The following ALK variants were observed in gnomAD, a reference collection of about 807,000 sequenced individuals.
ALK encodes the protein ALK tyrosine kinase receptor.
ALK carries 74 observed loss-of-function variants against 163.1 expected under a neutral mutation model. That is an observed-to-expected ratio of 0.45 (90% CI 0.38 to 0.55). ALK has a LOEUF of 0.55. Among genes scored for constraint, ALK ranks in the 20% least tolerant of loss-of-function variants. The pLI is 0.00. For synonymous variants in ALK, 960 were observed against 843.2 expected (o/e 1.14, Z -2.40); for missense variants, 2,063 against 2,105.3 (o/e 0.98, Z 0.39).
In ALK at chr2:29,920,316, G is replaced by A. The variant is rs1222939884; in HGVS notation, c.344C>T (p.Pro115Leu). ...CAGCGTCCGGGCCTCTGCCGGGGCT[G>A]GTGAACCGGCGGTCCAGGAGACCCC... ...APGVSWTAGS[P>L]APAEARTLSR... Residue 115 changes from proline to leucine, a missense_variant, in exon 1 of 29, where the codon CCA (proline) becomes CTA (leucine). Physicochemically the swap from Pro to Leu is moderately conservative, Grantham distance 98 (BLOSUM62 -3). This residue lies in a region of ALK where 987 missense variants were observed against 939.5 expected (regional missense o/e 1.05). Coordinates refer to ENST00000389048, the MANE Select transcript of ALK (RefSeq NM_004304.5). The A allele has an allele frequency of 5.8e-6, 9 of 1,556,988 alleles. No individual in the cohort carries two copies. Among genetic ancestry groups the A allele is most frequent in the South Asian group, 2.3e-5 (2 of 85,448 alleles).
At chr2:29,836,959 A>C (rs1237134218) in intron 1 of ALK, among the ~76,000 whole-genome samples, 1 of 152,206 alleles carries the variant, frequency 6.6e-6, no homozygotes, top group Non-Finnish European at 1.5e-5. Context: ...GAAACTAAAA[A>C]ATATTCATAT....
At chr2:29,733,480 T>A (rs1679803675) in intron 1 of ALK, among the ~76,000 whole-genome samples, 1 of 152,232 alleles carries the variant, frequency 6.6e-6, no homozygotes, top group African/African-American at 2.4e-5. Context: ...TACTAGCACC[T>A]ACGTGACCTC....
intron 24 of ALK, among the ~76,000 whole-genome samples, chr2:29,213,270 G>T (rs1669511349): frequency 6.6e-6 from 1 of 152,160 alleles, no homozygotes; most frequent in South Asian, 2.1e-4. Flanking sequence ...TTCACAGCAT[G>T]ATGTCCCAGT....
chr2:29,488,496 T>C (rs1317956545), intron 4 of ALK, among the ~76,000 whole-genome samples: 2 of 152,298 alleles, frequency 1.3e-5, no homozygotes, highest in African/African-American at 4.8e-5. Flanking sequence ...ACTGATGGCA[T>C]TGGAGTGGTA....
intron 11 of ALK, among the ~76,000 whole-genome samples, chr2:29,252,121 C>T (rs1664829793): frequency 6.6e-6 from 1 of 152,090 alleles, no homozygotes; most frequent in Non-Finnish European, 1.5e-5. Context: ...CACCCAACGT[C>T]CCTAGGTGGC....
chr2:29,219,705 C>T (rs1669749623), intron 23 of ALK, among the ~76,000 whole-genome samples: 1 of 152,170 alleles, frequency 6.6e-6, no homozygotes, highest in African/African-American at 2.4e-5. Flanking sequence ...TTAGAACCAC[C>T]TTTGAGATGT....
intron 1 of ALK, among the ~76,000 whole-genome samples, chr2:29,826,209 A>G (rs1313482972): frequency 1.3e-5 from 2 of 152,134 alleles, no homozygotes; most frequent in Non-Finnish European, 2.9e-5. Flanking sequence ...CAGCCTCTCC[A>G]TATGGGGTAG....
chr2:29,467,228 T>A (rs533067186), intron 4 of ALK, among the ~76,000 whole-genome samples: 1 of 113,978 alleles, frequency 8.8e-6, no homozygotes, highest in Admixed American at 9.4e-5. Flanking sequence ...TTATGGAGAG[T>A]CTTATTGATA....
chr2:29,371,970 A>T (rs1046780315), intron 5 of ALK, among the ~76,000 whole-genome samples: 27 of 152,314 alleles, frequency 1.8e-4, no homozygotes, highest in Admixed American at 5.2e-4. Context: ...ATGAGCAGGG[A>T]AGGTCTTCGA....
At chr2:29,901,240 TGTAA>T (rs1263770715) in intron 1 of ALK, among the ~76,000 whole-genome samples, 1 of 152,206 alleles carries the variant, frequency 6.6e-6, no homozygotes, top group Non-Finnish European at 1.5e-5. Context: ...TGAGAATGTC[TGTAA>T]AGTGCCTGGC....
intron 3 of ALK, among the ~76,000 whole-genome samples, chr2:29,645,895 G>T (rs540853857): frequency 2.0e-5 from 3 of 152,068 alleles, no homozygotes; most frequent in Admixed American, 6.6e-5. Flanking sequence ...TGCTAATATT[G>T]GAGTTCCATG....
chr2:29,919,937 A>C (rs751692717), intron 1 of ALK, 56 bp downstream of exon 1: 1 of 1,590,966 alleles, frequency 6.3e-7, no homozygotes, highest in East Asian at 2.2e-5. Context: ...TAATGGTTGC[A>C]TATCAATGTG....
intron 4 of ALK, among the ~76,000 whole-genome samples, chr2:29,481,566 C>G (rs1329918246): frequency 6.6e-6 from 1 of 152,190 alleles, no homozygotes; most frequent in African/African-American, 2.4e-5. Context: ...ATTGAGGTTT[C>G]TAGAATCTCC....
chr2:29,284,929 G>C (rs4665452), intron 9 of ALK, among the ~76,000 whole-genome samples: 129,635 of 152,210 alleles, frequency 0.85, 56,128 homozygotes, highest in South Asian at 0.94. Flanking sequence ...TCTCGTTCAG[G>C]CAACAGGCTG....
intron 18 of ALK, among the ~76,000 whole-genome samples, chr2:29,226,025 G>A (rs1345778524): frequency 2.0e-5 from 3 of 152,134 alleles, no homozygotes; most frequent in Non-Finnish European, 2.9e-5. Flanking sequence ...ACCACACGGA[G>A]GTATCGTGCT....
At chr2:29,803,487 T>C (rs550844867) in intron 1 of ALK, among the ~76,000 whole-genome samples, 14 of 152,228 alleles carry the variant, frequency 9.2e-5, no homozygotes, top group South Asian at 8.3e-4. Flanking sequence ...ACAGTCAAGG[T>C]GTGGAAACTG....
At chr2:29,501,847 C>T (rs530981674) in intron 4 of ALK, among the ~76,000 whole-genome samples, 63 of 152,300 alleles carry the variant, frequency 4.1e-4, no homozygotes, top group Non-Finnish European at 7.9e-4. Flanking sequence ...AGCAGTCACT[C>T]CCCATTCCCT....
chr2:29,857,523 C>T (rs992992994), intron 1 of ALK, among the ~76,000 whole-genome samples: 10 of 152,060 alleles, frequency 6.6e-5, no homozygotes, highest in South Asian at 2.1e-4. Flanking sequence ...AGGTGACGGG[C>T]GGGAGAAGAG....
At chr2:29,805,951 A>G (rs1375676107) in intron 1 of ALK, among the ~76,000 whole-genome samples, 1 of 152,188 alleles carries the variant, frequency 6.6e-6, no homozygotes, top group African/African-American at 2.4e-5. Flanking sequence ...TACAGAACCC[A>G]AACCATAAGG....
Sources: allele counts gnomAD v4.1 joint callset (sites outside exome capture counted in the v4.1 genomes callset), GRCh38; gene constraint gnomAD v4.1.1; regional missense constraint gnomAD v4.1.1; transcripts MANE v1.5; gene names NCBI Gene and HGNC (gene_info 2026-07-23, HGNC 2026-07-21).